FRMD3: variants seen among roughly 807,000 people sequenced by gnomAD.
The protein encoded by FRMD3 is FERM domain-containing protein 3.
Under a neutral mutation model 70.2 loss-of-function variants are expected in FRMD3, and 33 were observed. That is an observed-to-expected ratio of 0.47 (90% CI 0.36 to 0.63). The LOEUF is 0.63. Among genes scored for constraint, FRMD3 ranks in the 20% least tolerant of loss-of-function variants. The pLI, the probability that FRMD3 is intolerant of heterozygous loss-of-function variation, is 0.00. For synonymous variants in FRMD3, 279 were observed against 255.9 expected, an observed-to-expected ratio of 1.09 and a Z score of -0.86; for missense variants, 632 against 711.4, an observed-to-expected ratio of 0.89 and a Z score of 1.27.
At chr9:83,331,454 G>GGATGATTTT (rs1836261545) in intron 6 of FRMD3, among the ~76,000 whole-genome samples, 1 of 152,062 alleles carries the variant, frequency 6.6e-6, no homozygotes, top group East Asian at 1.9e-4. Flanking sequence ...GGAGAAGGAG[G>GGATGATTTT]GATGATTTTT....
rs72498524 is a variant in FRMD3 at position 83,341,146 on chromosome 9, G to C, written c.472+2044C>G. On this transcript the variant is annotated intron_variant, in intron 5 of 13. Coordinates refer to ENST00000304195, the MANE Select transcript of FRMD3 (RefSeq NM_174938.6). ...TTTGTGAATGACCTGCAGTGCTGCCGAAGTACTCACCCGAGAATCAGACCT... is the reference window on the plus strand; with the variant it reads ...TTTGTGAATGACCTGCAGTGCTGCCCAAGTACTCACCCGAGAATCAGACCT... 1.3e-3 allele frequency among the ~76,000 whole-genome samples: 197 copies of C among 152,224 alleles called. 6 individuals are homozygous for C. In the East Asian group the frequency reaches 0.032, roughly 25 times the overall value.
intron 1 of FRMD3, among the ~76,000 whole-genome samples, chr9:83,419,509 AGT>A (rs1429787956): frequency 1.1e-4 from 16 of 147,580 alleles, no homozygotes; most frequent in African/African-American, 3.8e-4. Flanking sequence ...ATGTGTGTTG[AGT>A]GTGTGTGATA....
chr9:83,527,540 G>A (rs1026314192), intron 1 of FRMD3, among the ~76,000 whole-genome samples: 1 of 152,100 alleles, frequency 6.6e-6, no homozygotes, highest in African/African-American at 2.4e-5. Flanking sequence ...TTAGGAGAAA[G>A]GTAAATTCCA....
chr9:83,383,485 C>A (rs1385537300), intron 2 of FRMD3, among the ~76,000 whole-genome samples: 2 of 152,186 alleles, frequency 1.3e-5, no homozygotes, highest in Non-Finnish European at 2.9e-5. Context: ...TACATCATAG[C>A]CACATTCTAG....
Position 83,537,986 on chromosome 9 carries a change from C to A in FRMD3, c.147+99G>T. 7.3e-7 allele frequency: 1 copy of A among 1,373,864 alleles called. No individual in the cohort carries two copies. 85.1% of individuals were successfully genotyped at this position (1,373,864 alleles called of 1,614,324 possible). ...TGGCTTTCTAGCAGTCCCCCAATCC[C>A]CTCCGGGAGTGGGTTCCTTGTTCTC... On this transcript the variant is annotated intron_variant, in intron 1 of 13. Transcript: ENST00000304195. The surrounding 1 kb of genome is among the most constrained non-coding windows in gnomAD (Gnocchi z 4.1).
chr9:83,547,677 G>C, the FRMD3 span, among the ~76,000 whole-genome samples: 1 of 152,124 alleles, frequency 6.6e-6, no homozygotes. Flanking sequence ...TCAGACTCTA[G>C]ATTAAATGGA....
intron 1 of FRMD3, among the ~76,000 whole-genome samples, chr9:83,447,861 C>G (rs1827528383): frequency 6.6e-6 from 1 of 152,168 alleles, no homozygotes; most frequent in Non-Finnish European, 1.5e-5. Context: ...GCCCAAGTTT[C>G]TTAATTTAAA....
chr9:83,357,242 C>T (rs7043904), intron 3 of FRMD3, among the ~76,000 whole-genome samples: 493 of 13,102 alleles, frequency 0.038, 49 homozygotes, highest in East Asian at 0.26. Flanking sequence ...ATATATAATA[C>T]ATACATATAT....
intron 13 of FRMD3, among the ~76,000 whole-genome samples, chr9:83,287,954 T>C (rs1273651546): frequency 1.3e-5 from 2 of 152,334 alleles, no homozygotes; most frequent in East Asian, 3.9e-4. Context: ...ATGGTAAGTG[T>C]GGTCTACAGG....
chr9:83,256,477 A>T (rs896420182), intron 13 of FRMD3, among the ~76,000 whole-genome samples: 7 of 152,236 alleles, frequency 4.6e-5, no homozygotes, highest in African/African-American at 1.4e-4. Flanking sequence ...TTTCATGACG[A>T]AAATGCCAAA....
At chr9:83,493,991 G>C (rs936449900) in intron 1 of FRMD3, among the ~76,000 whole-genome samples, 2 of 152,148 alleles carry the variant, frequency 1.3e-5, no homozygotes, top group Non-Finnish European at 2.9e-5. Context: ...CTTATCACCC[G>C]CTGACCCAAA....
At chr9:83,568,939 G>C in the FRMD3 span, among the ~76,000 whole-genome samples, 3 of 122,374 alleles carry the variant, frequency 2.5e-5, no homozygotes, top group Non-Finnish European at 3.6e-5. Flanking sequence ...TAGATAGATA[G>C]ATAGATAGAT....
intron 6 of FRMD3, chr9:83,331,854 T>C (rs1268352161): frequency 1.4e-6 from 1 of 717,474 alleles, no homozygotes; most frequent in East Asian, 2.7e-5. Context: ...CCTATTACCT[T>C]CTGAACACCA....
In FRMD3 at chr9:83,538,271, G is replaced by GGCGCGGTGCTCGCCT; in HGVS notation, c.-55_-41dup. On this transcript the variant is annotated 5_prime_UTR_variant, in exon 1 of 14. Coordinates refer to ENST00000304195, the MANE Select transcript of FRMD3 (RefSeq NM_174938.6). The surrounding 1 kb of genome is among the most constrained non-coding windows in gnomAD (Gnocchi z 4.7). Reference sequence around the variant, plus strand: ...GGGAGCGAGCGGGAGGCTCAGGGCCGGCGCGGTGCTCGCCTGCGCGGACAC... The same window carrying GGCGCGGTGCTCGCCT: ...GGGAGCGAGCGGGAGGCTCAGGGCCGGCGCGGTGCTCGCCTGCGCGGTGCTCGCCTGCGCGGACAC... 5 of 1,531,140 alleles carry GGCGCGGTGCTCGCCT rather than the reference G, an allele frequency of 3.3e-6. No individual in the cohort carries two copies. Among genetic ancestry groups the GGCGCGGTGCTCGCCT allele is most frequent in the Non-Finnish European group, 4.4e-6 (5 of 1,139,076 alleles). The allele number at this position is 1,531,140 out of a possible 1,614,324, so 94.8% of individuals were successfully genotyped here. A position where few individuals can be genotyped will look rare whatever the true frequency, so the allele number is the denominator to read the frequency against.
At chr9:83,378,936 C>T (rs1343729419) in intron 2 of FRMD3, among the ~76,000 whole-genome samples, 1 of 146,804 alleles carries the variant, frequency 6.8e-6, no homozygotes, top group Non-Finnish European at 1.5e-5. Context: ...CTATGTAGGC[C>T]AGGCTGGTCT....
the FRMD3 span, among the ~76,000 whole-genome samples, chr9:83,566,558 ACC>A: frequency 6.6e-6 from 1 of 152,190 alleles, no homozygotes. Context: ...AGACCCTTCC[ACC>A]TATGAGCCTG....
intron 4 of FRMD3, among the ~76,000 whole-genome samples, chr9:83,343,885 G>A (rs763740187): frequency 6.6e-5 from 10 of 152,234 alleles, no homozygotes; most frequent in Non-Finnish European, 1.3e-4. Context: ...CAGGCACACA[G>A]TGGCCTGTGA....
At chr9:83,398,368 G>A (rs1825862282) in intron 1 of FRMD3, among the ~76,000 whole-genome samples, 1 of 152,156 alleles carries the variant, frequency 6.6e-6, no homozygotes, top group African/African-American at 2.4e-5. Flanking sequence ...AAGAATATGA[G>A]AGAAATATTA....
At chr9:83,504,551 T>C (rs1829141324) in intron 1 of FRMD3, among the ~76,000 whole-genome samples, 1 of 152,002 alleles carries the variant, frequency 6.6e-6, no homozygotes. Context: ...GACCTTTACA[T>C]CTGTTCTCTT....
Sources: allele counts gnomAD v4.1 joint callset (sites outside exome capture counted in the v4.1 genomes callset), GRCh38; gene constraint gnomAD v4.1.1; non-coding constraint Gnocchi (gnomAD v3.1); transcripts MANE v1.5; gene names NCBI Gene and HGNC (gene_info 2026-07-23, HGNC 2026-07-21).